Variants in NSL1 observed in about 807,000 individuals in gnomAD.
NSL1 encodes the protein kinetochore-associated protein NSL1 homolog.
NSL1 carries 11 observed loss-of-function variants against 25.4 expected under a neutral mutation model. That is an observed-to-expected ratio of 0.43 (90% CI 0.27 to 0.72). The LOEUF is 0.72. Ranked by LOEUF, NSL1 falls within the 30% of genes least tolerant of loss-of-function variation. The pLI, the probability that NSL1 is intolerant of heterozygous loss-of-function variation, is 0.19. For synonymous variants in NSL1, 118 were observed against 120.6 expected, an observed-to-expected ratio of 0.98 and a Z score of 0.14; for missense variants, 330 against 342.7, an observed-to-expected ratio of 0.96 and a Z score of 0.29.
In NSL1 at chr1:212,762,306, C is replaced by CAAAAAA. The variant is rs71147025; in HGVS notation, c.499+20060_499+20065dup. On this transcript the variant is annotated intron_variant, in intron 4 of 5. Transcript: ENST00000366977. Reference sequence around the variant, plus strand: ...GAGTCTCACTCTGTCTTAAAAGAAACAAAAAAAAAAAAAAAAAAAAGAAAA... The same window carrying CAAAAAA: ...GAGTCTCACTCTGTCTTAAAAGAAACAAAAAAAAAAAAAAAAAAAAAAAAAAGAAAA... Among the ~76,000 whole-genome samples the CAAAAAA allele has an allele frequency of 1.2e-3, 143 of 114,566 alleles. 2 individuals are homozygous for CAAAAAA. The highest frequency in any genetic ancestry group is 1.9e-3 in the Non-Finnish European group (107 of 57,726). 75.2% of individuals were successfully genotyped at this position (114,566 alleles called of 152,430 possible). A position where few individuals can be genotyped will look rare whatever the true frequency, so the allele number is the denominator to read the frequency against.
rs1245327782 is a variant in NSL1, at chr1:212,726,748, T to C, written c.*11660A>G. 5.7e-6 allele frequency: 1 copy of C among 176,438 alleles called. No individual in the cohort carries two copies. Among genetic ancestry groups the C allele is most frequent in the Non-Finnish European group, 1.2e-5 (1 of 83,880 alleles). 10.9% of individuals were successfully genotyped at this position (176,438 alleles called of 1,614,324 possible). A position where few individuals can be genotyped will look rare whatever the true frequency, so the allele number is the denominator to read the frequency against. The stretch of plus-strand genomic sequence containing the variant: ...TCTGCAGTCCTCAAATGCAGAGTGA[T>C]TGGGTCACTCTCCATGGTGTCCATG... On this transcript the variant is annotated 3_prime_UTR_variant, in exon 6 of 6. Coordinates refer to ENST00000366977, the MANE Select transcript of NSL1 (RefSeq NM_015471.4).
At chr1:212,763,573 G>A (rs1266332666) in intron 4 of NSL1, among the ~76,000 whole-genome samples, 1 of 152,036 alleles carries the variant, frequency 6.6e-6, no homozygotes. Context: ...AAAAATTTAA[G>A]GTAAAGGGGT....
At chr1:212,759,124 C>T (rs1352316204) in intron 4 of NSL1, among the ~76,000 whole-genome samples, 1 of 152,102 alleles carries the variant, frequency 6.6e-6, no homozygotes, top group Admixed American at 6.5e-5. Context: ...AATCTTTATA[C>T]TTTTATATTA....
intron 4 of NSL1, among the ~76,000 whole-genome samples, chr1:212,747,497 T>G (rs193166063): frequency 1.5e-3 from 225 of 152,348 alleles, no homozygotes; most frequent in Non-Finnish European, 2.7e-3. Context: ...CAGTCCCAGG[T>G]GAGCCCTGAA....
At chr1:212,769,335 CAAAG>C (rs1659993238) in intron 4 of NSL1, among the ~76,000 whole-genome samples, 1 of 151,796 alleles carries the variant, frequency 6.6e-6, no homozygotes, top group Non-Finnish European at 1.5e-5. Flanking sequence ...TATCAAAAGG[CAAAG>C]AAAGAGATAA....
rs1438142727 is a variant in NSL1 at position 212,726,214 on chromosome 1, G to C, written c.*12194C>G. ...AATGCAGCCTCTCACATCAGTGGGG[G>C]AAAAGAGGTACTATTCAATAAATGG... On this transcript the variant is annotated 3_prime_UTR_variant, in exon 6 of 6. Transcript: ENST00000366977. The C allele has an allele frequency of 6.6e-6, 1 of 152,178 alleles. No homozygotes were observed. Among genetic ancestry groups the C allele is most frequent in the Non-Finnish European group, 1.5e-5 (1 of 68,048 alleles). The allele number at this position is 152,178 out of a possible 1,614,324, so 9.4% of individuals were successfully genotyped here.
intron 4 of NSL1, among the ~76,000 whole-genome samples, chr1:212,779,385 G>A (rs1293193069): frequency 2.8e-5 from 4 of 142,650 alleles, no homozygotes; most frequent in Non-Finnish European, 6.2e-5. Context: ...GGAGGTGGGG[G>A]GGTCAGCCCC....
Position 212,787,558 on chromosome 1 carries a change from C to A in NSL1, c.313+1G>T, listed in dbSNP as rs1660996571. 1 of 1,596,298 alleles carries A rather than the reference C, an allele frequency of 6.3e-7. No homozygotes were observed. The highest frequency in any genetic ancestry group is 8.5e-7 in the Non-Finnish European group (1 of 1,171,768). Reference sequence around the variant, plus strand: ...AATAATGGAAGGAAAAAGTCACATACCCATAAAACAATTATCTGAAGCTTC... The same window carrying A: ...AATAATGGAAGGAAAAAGTCACATAACCATAAAACAATTATCTGAAGCTTC... On this transcript the variant is annotated splice_donor_variant, in intron 2 of 5. Coordinates refer to ENST00000366977, the MANE Select transcript of NSL1 (RefSeq NM_015471.4). LOFTEE classifies it high-confidence loss of function.
rs986704592 is a variant in NSL1 at position 212,731,247 on chromosome 1, A to T, written c.*7161T>A. 5 of 985,212 alleles carry T rather than the reference A, an allele frequency of 5.1e-6. No homozygotes were observed. The highest frequency in any genetic ancestry group is 6.0e-6 in the Non-Finnish European group (5 of 829,892). 61.0% of individuals were successfully genotyped at this position (985,212 alleles called of 1,614,324 possible). The stretch of plus-strand genomic sequence containing the variant: ...TTATCAGCCAAAAACAGAGAATAGT[A>T]AGTCTTATCTGAAATATACTGTGAT... On this transcript the variant is annotated 3_prime_UTR_variant, in exon 6 of 6. Coordinates refer to ENST00000366977, the MANE Select transcript of NSL1 (RefSeq NM_015471.4).
intron 4 of NSL1, among the ~76,000 whole-genome samples, chr1:212,775,962 G>T (rs987155184): frequency 6.6e-6 from 1 of 151,894 alleles, no homozygotes; most frequent in Non-Finnish European, 1.5e-5. Context: ...CAAGTAGCTG[G>T]GACTACAGGC....
In NSL1 at chr1:212,731,718, C is replaced by T. The variant is rs1571855044; in HGVS notation, c.*6690G>A. The T allele has an allele frequency of 1.6e-5, 16 of 985,296 alleles. 1 individual carries two copies. In the South Asian group the frequency reaches 7.5e-4, roughly 46 times the overall value. The allele number at this position is 985,296 out of a possible 1,614,324, so 61.0% of individuals were successfully genotyped here. Reference sequence around the variant, plus strand: ...ATCTTGAATCAGCTTTTTAGACATCCACTGACTTCCAGTTGTGGTGGGTGA... The same window carrying T: ...ATCTTGAATCAGCTTTTTAGACATCTACTGACTTCCAGTTGTGGTGGGTGA... On this transcript the variant is annotated 3_prime_UTR_variant, in exon 6 of 6. Transcript: ENST00000366977.
Position 212,737,789 on chromosome 1 carries a change from A to G in NSL1, c.*619T>C, listed in dbSNP as rs1658292251. On this transcript the variant is annotated 3_prime_UTR_variant, in exon 6 of 6. Transcript: ENST00000366977. ...CATGCCAATTTTTATTTCAAAGAGT[A>G]ATGTTGCACAAATAATAGTTATCAT... 3.0e-6 allele frequency: 3 copies of G among 985,328 alleles called. No homozygotes were observed. Among genetic ancestry groups the G allele is most frequent in the Admixed American group, 6.1e-5 (1 of 16,274 alleles). The allele number at this position is 985,328 out of a possible 1,614,324, so 61.0% of individuals were successfully genotyped here.
At chr1:212,742,668 T>C (rs1255770751) in intron 4 of NSL1, among the ~76,000 whole-genome samples, 1 of 152,178 alleles carries the variant, frequency 6.6e-6, no homozygotes, top group Non-Finnish European at 1.5e-5. Context: ...AAATAGAGGA[T>C]GGATTAGGCA....
At chr1:212,779,130 C>T (rs1445608635) in intron 4 of NSL1, among the ~76,000 whole-genome samples, 15 of 151,398 alleles carry the variant, frequency 9.9e-5, no homozygotes, top group African/African-American at 3.4e-4. Context: ...GCCTGGCAAC[C>T]GCCCCATCTG....
chr1:212,752,781 GT>G (rs1348062550), intron 4 of NSL1, among the ~76,000 whole-genome samples: 2 of 151,878 alleles, frequency 1.3e-5, no homozygotes, highest in African/African-American at 4.8e-5. Flanking sequence ...AAATGAAAAA[GT>G]GGAAATGAAA....
chr1:212,730,117 G>T lies in NSL1; in HGVS notation c.*8291C>A. On this transcript the variant is annotated 3_prime_UTR_variant, in exon 6 of 6. Coordinates refer to ENST00000366977, the MANE Select transcript of NSL1 (RefSeq NM_015471.4). Reference sequence around the variant, plus strand: ...ATGCAAATATTAGCCCAGCATGGTAGCACGCGCCTGTAATCCCAGCTACTC... The same window carrying T: ...ATGCAAATATTAGCCCAGCATGGTATCACGCGCCTGTAATCCCAGCTACTC... The T allele has an allele frequency of 2.5e-6, 2 of 798,942 alleles. No individual in the cohort carries two copies. The highest frequency in any genetic ancestry group is 3.0e-6 in the Non-Finnish European group (2 of 660,510). 49.5% of individuals were successfully genotyped at this position (798,942 alleles called of 1,614,324 possible). A position where few individuals can be genotyped will look rare whatever the true frequency, so the allele number is the denominator to read the frequency against.
chr1:212,749,738 A>G (rs543579331), intron 4 of NSL1, among the ~76,000 whole-genome samples: 16 of 152,174 alleles, frequency 1.1e-4, no homozygotes, highest in African/African-American at 3.9e-4. Flanking sequence ...ATTTGTCTCT[A>G]AACTCACATT....
chr1:212,778,798 T>C (rs1017883713), intron 4 of NSL1, among the ~76,000 whole-genome samples: 12 of 152,108 alleles, frequency 7.9e-5, no homozygotes, highest in Non-Finnish European at 1.5e-4. Flanking sequence ...GTGCCGAGAT[T>C]GCAGCCTCTG....
Position 212,729,824 on chromosome 1 carries a change from T to G in NSL1, c.*8584A>C. 1.0e-6 allele frequency: 1 copy of G among 985,320 alleles called. No homozygotes were observed. The highest frequency in any genetic ancestry group is 1.2e-6 in the Non-Finnish European group (1 of 829,914). The allele number at this position is 985,320 out of a possible 1,614,324, so 61.0% of individuals were successfully genotyped here. Reference sequence around the variant, plus strand: ...ACATGGAAAAAGCAATGTAATCAGCTGGTGCTGCAAAGGGCAGTGATGTGT... The same window carrying G: ...ACATGGAAAAAGCAATGTAATCAGCGGGTGCTGCAAAGGGCAGTGATGTGT... On this transcript the variant is annotated 3_prime_UTR_variant, in exon 6 of 6. Coordinates refer to ENST00000366977, the MANE Select transcript of NSL1 (RefSeq NM_015471.4).
Sources: allele counts gnomAD v4.1 joint callset (sites outside exome capture counted in the v4.1 genomes callset), GRCh38; gene constraint gnomAD v4.1.1; transcripts MANE v1.5; gene names NCBI Gene and HGNC (gene_info 2026-07-23, HGNC 2026-07-21).